Variants in SH3PXD2B observed in about 807,000 individuals in gnomAD.
The protein encoded by SH3PXD2B is SH3 and PX domains 2B.
A neutral mutation model predicts 73.1 loss-of-function variants in SH3PXD2B; 37 were observed. That is an observed-to-expected ratio of 0.51 (90% CI 0.39 to 0.67). SH3PXD2B has a LOEUF of 0.67. SH3PXD2B is among the 30% of genes least tolerant of loss of function. The pLI is 0.00. For synonymous variants in SH3PXD2B, 457 were observed against 480.5 expected (o/e 0.95, Z 0.64); for missense variants, 1,053 against 1,197.8 (o/e 0.88, Z 1.78).
chr5:172,373,035 C>G (rs958818504), intron 6 of SH3PXD2B, among the ~76,000 whole-genome samples: 6 of 152,208 alleles, frequency 3.9e-5, no homozygotes, highest in East Asian at 3.8e-4. Flanking sequence ...CCTTCTCTTT[C>G]TCCATAATTG....
At chr5:172,400,560 A>C (rs1189267669) in intron 3 of SH3PXD2B, among the ~76,000 whole-genome samples, 1 of 152,206 alleles carries the variant, frequency 6.6e-6, no homozygotes, top group Non-Finnish European at 1.5e-5. Flanking sequence ...GGCTCTTGCC[A>C]TGTCTGGACT....
intron 1 of SH3PXD2B, among the ~76,000 whole-genome samples, chr5:172,424,429 CCACAGTGGTTTT>C (rs983771400): frequency 1.7e-4 from 26 of 152,302 alleles, no homozygotes; most frequent in African/African-American, 6.3e-4. Context: ...GCAGCGGTTT[CCACAGTGGTTTT>C]AGCCAGAGTC....
intron 3 of SH3PXD2B, among the ~76,000 whole-genome samples, chr5:172,405,695 CA>C (rs1250340241): frequency 6.6e-6 from 1 of 152,186 alleles, no homozygotes; most frequent in Admixed American, 6.5e-5. Flanking sequence ...AGACCTTGAG[CA>C]GAACCCAGTT....
intron 12 of SH3PXD2B, among the ~76,000 whole-genome samples, chr5:172,328,183 A>G (rs1581251803): frequency 6.7e-6 from 1 of 150,146 alleles, no homozygotes; most frequent in Non-Finnish European, 1.5e-5. Context: ...CTGGAGTACA[A>G]TGGCGTGGTC....
At chr5:172,376,603 C>T (rs879883207) in intron 5 of SH3PXD2B, among the ~76,000 whole-genome samples, 2 of 152,152 alleles carry the variant, frequency 1.3e-5, no homozygotes, top group African/African-American at 4.8e-5. Flanking sequence ...GTCTGGGAGG[C>T]GCAGCAGAGT....
intron 5 of SH3PXD2B, among the ~76,000 whole-genome samples, chr5:172,380,410 C>T (rs745957106): frequency 3.3e-5 from 5 of 152,184 alleles, no homozygotes; most frequent in Non-Finnish European, 7.3e-5. Flanking sequence ...ACAATAAGCT[C>T]TGTATCCTTT....
At position 172,348,654 on chromosome 5, in the gene SH3PXD2B, C is replaced by CTATCCTATCTATCTAT. The variant is rs1440672001; in HGVS notation, c.1013-1323_1013-1322insATAGATAGATAGGATA. Among the ~76,000 whole-genome samples, 73 of 60,430 alleles carry CTATCCTATCTATCTAT rather than the reference C, an allele frequency of 1.2e-3. 1 individual carries two copies. Among genetic ancestry groups the CTATCCTATCTATCTAT allele is most frequent in the African/African-American group, 4.4e-3 (70 of 16,010 alleles). 39.6% of individuals were successfully genotyped at this position (60,430 alleles called of 152,430 possible). A position where few individuals can be genotyped will look rare whatever the true frequency, so the allele number is the denominator to read the frequency against. Reference sequence around the variant, plus strand: ...TCTATCTATGTATCTATCTATCTATCCTATCTATCTATCTATCTATCTATC... The same window carrying CTATCCTATCTATCTAT: ...TCTATCTATGTATCTATCTATCTATCTATCCTATCTATCTATCTATCTATCTATCTATCTATCTATC... On this transcript the variant is annotated intron_variant, in intron 10 of 12. Transcript: ENST00000311601.
intron 1 of SH3PXD2B, among the ~76,000 whole-genome samples, chr5:172,429,708 G>C (rs1015938805): frequency 6.6e-6 from 1 of 152,118 alleles, no homozygotes; most frequent in Non-Finnish European, 1.5e-5. Flanking sequence ...CCAAATCCCC[G>C]AGCCAGCAGG....
chr5:172,355,203 C>T (rs1409213073), intron 8 of SH3PXD2B, among the ~76,000 whole-genome samples: 1 of 152,248 alleles, frequency 6.6e-6, no homozygotes. Context: ...ATGCCGTCCG[C>T]GGCCTGCCCA....
chr5:172,441,061 A>G (rs1043430294), intron 1 of SH3PXD2B, among the ~76,000 whole-genome samples: 4 of 152,138 alleles, frequency 2.6e-5, no homozygotes, highest in African/African-American at 9.7e-5. Flanking sequence ...TGAAATTGCC[A>G]TTTTTATAGG....
intron 1 of SH3PXD2B, among the ~76,000 whole-genome samples, chr5:172,440,487 A>G (rs1759531680): frequency 6.6e-6 from 1 of 151,172 alleles, no homozygotes; most frequent in African/African-American, 2.4e-5. Context: ...CTCAGGAAGA[A>G]CATCCCCAAA....
At chr5:172,449,090 C>G (rs1407909972) in intron 1 of SH3PXD2B, among the ~76,000 whole-genome samples, 1 of 152,188 alleles carries the variant, frequency 6.6e-6, no homozygotes, top group African/African-American at 2.4e-5. Flanking sequence ...TGGAGCCTGG[C>G]AAATCAAAGA....
chr5:172,351,181 G>C (rs968693324), intron 9 of SH3PXD2B, among the ~76,000 whole-genome samples: 1 of 152,208 alleles, frequency 6.6e-6, no homozygotes, highest in African/African-American at 2.4e-5. Flanking sequence ...CCAGGCCAGA[G>C]TGCAGTGGTT....
At chr5:172,439,264 CAAAAACAAAAACA>C (rs1759476937) in intron 1 of SH3PXD2B, among the ~76,000 whole-genome samples, 2 of 45,770 alleles carry the variant, frequency 4.4e-5, no homozygotes, top group African/African-American at 2.1e-4. Context: ...AAAAAAAAAA[CAAAAACAAAAACA>C]AAACAAAAAA....
chr5:172,325,507 A>G (rs1416496219), intron 12 of SH3PXD2B: 1 of 623,530 alleles, frequency 1.6e-6, no homozygotes, highest in East Asian at 2.9e-5. Flanking sequence ...TATAAAGAAC[A>G]GGGATTTATT....
At chr5:172,415,709 G>C (rs1758803767) in intron 2 of SH3PXD2B, among the ~76,000 whole-genome samples, 1 of 152,138 alleles carries the variant, frequency 6.6e-6, no homozygotes, top group African/African-American at 2.4e-5. Context: ...CAGCTCTCTG[G>C]GCACTCCAGT....
At chr5:172,329,083 A>ATATTTTT (rs58472514), downstream of SH3PXD2B, among the ~76,000 whole-genome samples, 163 of 61,792 alleles carry the variant, frequency 2.6e-3, 1 homozygote, top group South Asian at 4.0e-3. Flanking sequence ...ATATATATAT[A>ATATTTTT]TTTTTTTTTT....
intron 6 of SH3PXD2B, among the ~76,000 whole-genome samples, chr5:172,366,839 G>A (rs187800770): frequency 2.6e-5 from 4 of 151,262 alleles, no homozygotes; most frequent in African/African-American, 9.7e-5. Flanking sequence ...TCACCATGTT[G>A]GCAAGGGTGG....
chr5:172,443,293 C>T (rs552458596), intron 1 of SH3PXD2B, among the ~76,000 whole-genome samples: 55 of 152,306 alleles, frequency 3.6e-4, no homozygotes, highest in Non-Finnish European at 6.8e-4. Flanking sequence ...ACTATCACCG[C>T]GAGTTGCTGC....
Sources: gnomAD v4.1 joint callset for allele counts (sites outside exome capture counted in the v4.1 genomes callset) on GRCh38, gnomAD v4.1.1 for gene constraint, MANE v1.5 for transcripts, NCBI Gene and HGNC (gene_info 2026-07-23, HGNC 2026-07-21) for gene names.